NEK10: variants seen among roughly 807,000 people sequenced by gnomAD.
NEK10 encodes the protein NIMA related kinase 10.
NEK10 carries 122 observed loss-of-function variants against 159.8 expected under a neutral mutation model. The observed-to-expected ratio is 0.76, with a 90% CI of 0.66 to 0.89. The LOEUF is 0.89. Ranked by LOEUF, NEK10 falls within the 40% of genes least tolerant of loss-of-function variation. The pLI is 0.00. For missense variants in NEK10, 1,342 were observed against 1,323.1 expected (o/e 1.01, Z -0.22); for synonymous variants, 466 against 457.1 (o/e 1.02, Z -0.25).
chr3:27,194,627 A>C (rs1219397943), intron 25 of NEK10: 1 of 152,198 alleles, frequency 6.6e-6, no homozygotes, highest in African/African-American at 2.4e-5. Flanking sequence ...TCATGTTTTA[A>C]GATACAAAGA....
rs188850378 is a variant in NEK10, at chr3:27,331,152, C to T, written c.363-8891G>A. Among the ~76,000 whole-genome samples the T allele has an allele frequency of 3.9e-4, 57 of 145,294 alleles. No homozygotes were observed. The East Asian group carries it at 8.1e-3, about 21-fold the overall frequency. On this transcript the variant is annotated intron_variant, in intron 5 of 35. Transcript: ENST00000691995. ...CTCGGGAGGCCGAGGCAGGGAGAAT[C>T]GCTTAAACTTGGGAAGTGGAGGTTG...
intron 5 of NEK10, among the ~76,000 whole-genome samples, chr3:27,340,767 C>A (rs994253407): frequency 6.6e-6 from 1 of 152,108 alleles, no homozygotes; most frequent in African/African-American, 2.4e-5. Context: ...CAAATTAGTA[C>A]AACTGCTGTG....
chr3:27,295,912 G>T (rs2043320582), intron 14 of NEK10, among the ~76,000 whole-genome samples: 1 of 152,048 alleles, frequency 6.6e-6, no homozygotes, highest in African/African-American at 2.4e-5. Flanking sequence ...TGTCTGTGGA[G>T]AATCAAGATT....
chr3:27,322,772 C>T lies in NEK10; in HGVS notation c.363-511G>A, dbSNP rs571650470. ...TTTCTCTTCCCCCTTTCATAGAGTA[C>T]TTGTTTTTTTATCATAGCAACCACT... On this transcript the variant is annotated intron_variant, in intron 5 of 35. Coordinates refer to ENST00000691995, the MANE Select transcript of NEK10 (RefSeq NM_001394966.1). Among the ~76,000 whole-genome samples, 39 of 152,216 alleles carry T rather than the reference C, an allele frequency of 2.6e-4. 1 individual carries two copies. The South Asian group carries it at 7.3e-3, about 28-fold the overall frequency.
chr3:27,265,370 T>G lies in NEK10; in HGVS notation c.2015-8999A>C, dbSNP rs538549560. Among the ~76,000 whole-genome samples, 6 of 152,352 alleles carry G rather than the reference T, an allele frequency of 3.9e-5. No individual in the cohort carries two copies. The East Asian group carries it at 1.2e-3, about 29-fold the overall frequency. On this transcript the variant is annotated intron_variant, in intron 22 of 35. Coordinates refer to ENST00000691995, the MANE Select transcript of NEK10 (RefSeq NM_001394966.1). ...TTTTATAAAAACTGCCAAGTCAAAATGTTTTCCAGTTTTTTCTCTCACCAG... is the reference window on the plus strand; with the variant it reads ...TTTTATAAAAACTGCCAAGTCAAAAGGTTTTCCAGTTTTTTCTCTCACCAG...
At chr3:27,362,588 T>C (rs1215621475) in intron 1 of NEK10, among the ~76,000 whole-genome samples, 1 of 150,826 alleles carries the variant, frequency 6.6e-6, no homozygotes, top group East Asian at 2.0e-4. Flanking sequence ...GCAAAAGTAA[T>C]TGTGGTTTTT....
intron 8 of NEK10, chr3:27,311,754 G>T: frequency 4.0e-6 from 1 of 250,922 alleles, no homozygotes; most frequent in South Asian, 5.7e-5. Flanking sequence ...CTATGAGGTA[G>T]GCAATCATGA....
At chr3:27,355,007 G>C (rs1307687869) in intron 1 of NEK10, among the ~76,000 whole-genome samples, 1 of 152,214 alleles carries the variant, frequency 6.6e-6, no homozygotes, top group Non-Finnish European at 1.5e-5. Flanking sequence ...AGGACACACA[G>C]TCCCAAGGAA....
chr3:27,312,049 T>C (rs764039513), intron 8 of NEK10, 50 bp downstream of exon 8: 1 of 1,210,876 alleles, frequency 8.3e-7, no homozygotes, highest in Non-Finnish European at 1.2e-6. Flanking sequence ...ACCATACTGC[T>C]TTTTCTAGCA....
At chr3:27,200,075 G>A (rs1949920305) in intron 25 of NEK10, among the ~76,000 whole-genome samples, 1 of 152,032 alleles carries the variant, frequency 6.6e-6, no homozygotes, top group Non-Finnish European at 1.5e-5. Flanking sequence ...AGTTTACCTT[G>A]TATAACAAAC....
intron 23 of NEK10, among the ~76,000 whole-genome samples, chr3:27,249,659 G>T (rs955152387): frequency 3.9e-5 from 6 of 152,002 alleles, no homozygotes; most frequent in African/African-American, 1.4e-4. Context: ...TTGCGTCTTA[G>T]TTTTTTGTCC....
chr3:27,241,417 C>T (rs1024849722), intron 23 of NEK10, among the ~76,000 whole-genome samples: 6 of 152,136 alleles, frequency 3.9e-5, no homozygotes, highest in Non-Finnish European at 7.3e-5. Flanking sequence ...AATCTCATGA[C>T]TTTCTGTGTC....
intron 26 of NEK10, among the ~76,000 whole-genome samples, chr3:27,187,834 G>A (rs955472416): frequency 3.3e-5 from 5 of 151,814 alleles, no homozygotes; most frequent in South Asian, 2.1e-4. Flanking sequence ...GAAATTCAAC[G>A]TTTTAGTCCA....
At chr3:27,173,644 G>A (rs185817538) in intron 28 of NEK10, among the ~76,000 whole-genome samples, 1 of 152,220 alleles carries the variant, frequency 6.6e-6, no homozygotes, top group East Asian at 1.9e-4. Context: ...TATTTTAAAT[G>A]TTCTTTTATG....
intron 30 of NEK10, among the ~76,000 whole-genome samples, chr3:27,152,281 T>A (rs908688447): frequency 6.6e-6 from 1 of 152,068 alleles, no homozygotes; most frequent in Admixed American, 6.5e-5. Flanking sequence ...CCTATCAGAT[T>A]AATAGCAGAT....
intron 23 of NEK10, among the ~76,000 whole-genome samples, chr3:27,217,921 T>C (rs1951696027): frequency 6.6e-6 from 1 of 152,172 alleles, no homozygotes; most frequent in Non-Finnish European, 1.5e-5. Context: ...GTTTAATTAA[T>C]AAATTAGATA....
At chr3:27,339,778 CA>C (rs33927068) in intron 5 of NEK10, among the ~76,000 whole-genome samples, 25,042 of 119,648 alleles carry the variant, frequency 0.21, 3,678 homozygotes, top group African/African-American at 0.49. Flanking sequence ...GACTCCATCT[CA>C]AAAAAAAAAA....
At chr3:27,341,915 G>C (rs1473007537) in intron 5 of NEK10, among the ~76,000 whole-genome samples, 1 of 152,128 alleles carries the variant, frequency 6.6e-6, no homozygotes, top group East Asian at 1.9e-4. Flanking sequence ...ATAACACGCT[G>C]AATGTCTTAT....
chr3:27,208,768 A>G (rs763112001), intron 23 of NEK10, among the ~76,000 whole-genome samples: 11 of 152,204 alleles, frequency 7.2e-5, no homozygotes, highest in African/African-American at 1.2e-4. Flanking sequence ...AAGATCCACA[A>G]TTGGGGATAT....
Sources: allele counts gnomAD v4.1 joint callset (sites outside exome capture counted in the v4.1 genomes callset), GRCh38; gene constraint gnomAD v4.1.1; transcripts MANE v1.5; gene names NCBI Gene and HGNC (gene_info 2026-07-23, HGNC 2026-07-21).